DTNA: variants seen among roughly 807,000 people sequenced by gnomAD.
DTNA encodes the protein dystrophin-related protein 3.
Under a neutral mutation model 100.7 loss-of-function variants are expected in DTNA, and 43 were observed. The ratio of observed to expected loss-of-function variants is 0.43; its 90% CI spans 0.33 to 0.55. The LOEUF is 0.55. Among genes scored for constraint, DTNA ranks in the 20% least tolerant of loss-of-function variants. DTNA has a pLI of 0.04. For missense variants in DTNA, 798 were observed against 953.9 expected (o/e 0.84, Z 2.15); for synonymous variants, 349 against 347.9 (o/e 1.00, Z -0.04).
chr18:34,532,164 C>CATAGATTA (rs2043201668), intron 1 of DTNA, among the ~76,000 whole-genome samples: 1 of 152,234 alleles, frequency 6.6e-6, no homozygotes, highest in Admixed American at 6.5e-5. Context: ...AAGATGTATG[C>CATAGATTA]ATAGATTAGT....
intron 1 of DTNA, among the ~76,000 whole-genome samples, chr18:34,728,760 T>C (rs2087350111): frequency 6.6e-6 from 1 of 152,212 alleles, no homozygotes; most frequent in Admixed American, 6.5e-5. Flanking sequence ...CTTATGCCTC[T>C]CACTAGCTCC....
intron 1 of DTNA, among the ~76,000 whole-genome samples, chr18:34,560,228 C>T (rs1448065988): frequency 1.3e-5 from 2 of 152,146 alleles, no homozygotes; most frequent in Non-Finnish European, 2.9e-5. Flanking sequence ...CTGTAGCAGA[C>T]CACAAACTCC....
intron 5 of DTNA, among the ~76,000 whole-genome samples, chr18:34,809,722 T>A (rs1265673556): frequency 1.3e-5 from 2 of 152,184 alleles, no homozygotes; most frequent in Non-Finnish European, 1.5e-5. Flanking sequence ...AGAGCAAGAA[T>A]AACTGGCTGA....
chr18:34,621,202 A>G (rs1401901021), intron 1 of DTNA, among the ~76,000 whole-genome samples: 1 of 148,568 alleles, frequency 6.7e-6, no homozygotes, highest in Non-Finnish European at 1.5e-5. Flanking sequence ...TATATGTAAT[A>G]TATGTACATA....
intron 13 of DTNA, among the ~76,000 whole-genome samples, chr18:34,840,189 G>A (rs1292213486): frequency 6.6e-6 from 1 of 152,094 alleles, no homozygotes; most frequent in Non-Finnish European, 1.5e-5. Context: ...AGATCCTACT[G>A]TTTAAGGGGA....
intron 2 of DTNA, among the ~76,000 whole-genome samples, chr18:34,761,153 CACACA>C: frequency 6.7e-6 from 1 of 149,828 alleles, no homozygotes; most frequent in South Asian, 2.1e-4. Flanking sequence ...CACACACACA[CACACA>C]CACACACACA....
chr18:34,799,873 T>G (rs2095139582), intron 4 of DTNA, among the ~76,000 whole-genome samples: 1 of 152,196 alleles, frequency 6.6e-6, no homozygotes, highest in Admixed American at 6.5e-5. Flanking sequence ...TGACCCCTTC[T>G]GTTCTGGAGA....
chr18:34,572,982 T>C (rs1185163135), intron 1 of DTNA, among the ~76,000 whole-genome samples: 1 of 152,140 alleles, frequency 6.6e-6, no homozygotes, highest in Non-Finnish European at 1.5e-5. Context: ...CATTTCTTAA[T>C]CCATAAAATA....
intron 1 of DTNA, among the ~76,000 whole-genome samples, chr18:34,744,795 G>C (rs766078653): frequency 6.6e-6 from 1 of 152,116 alleles, no homozygotes; most frequent in Non-Finnish European, 1.5e-5. Context: ...GCCTATGTCC[G>C]TGTGTGTCTG....
Position 34,890,037 on chromosome 18 carries a change from C to A in DTNA, c.*2303C>A. The A allele has an allele frequency of 1.6e-6, 2 of 1,289,040 alleles. No individual in the cohort carries two copies. The highest frequency in any genetic ancestry group is 2.2e-5 in the South Asian group (1 of 44,642). 79.9% of individuals were successfully genotyped at this position (1,289,040 alleles called of 1,614,324 possible). A position where few individuals can be genotyped will look rare whatever the true frequency, so the allele number is the denominator to read the frequency against. On this transcript the variant is annotated 3_prime_UTR_variant, in exon 23 of 23. Coordinates refer to ENST00000444659, the MANE Select transcript of DTNA (RefSeq NM_001386795.1). ...ATCATAGCCAGGTAGTTCTTGAACT[C>A]AGAACTTAAATCCTGCACGTGGCAC...
intron 1 of DTNA, among the ~76,000 whole-genome samples, chr18:34,556,391 G>C (rs2046052221): frequency 6.6e-6 from 1 of 151,712 alleles, no homozygotes; most frequent in Non-Finnish European, 1.5e-5. Flanking sequence ...ATATTGTTAT[G>C]TGTGAATTTG....
At chr18:34,699,797 G>A (rs528528214) in intron 1 of DTNA, among the ~76,000 whole-genome samples, 20 of 152,136 alleles carry the variant, frequency 1.3e-4, no homozygotes, top group Admixed American at 5.9e-4. Flanking sequence ...TCTTTTTGGT[G>A]AAACAGACCC....
chr18:34,876,062 A>G (rs193199491), intron 18 of DTNA, among the ~76,000 whole-genome samples: 1 of 152,336 alleles, frequency 6.6e-6, no homozygotes, highest in East Asian at 1.9e-4. Context: ...ATCATTCTGT[A>G]GACCTTCACC....
chr18:34,825,217 A>G, intron 9 of DTNA: 2 of 1,612,298 alleles, frequency 1.2e-6, no homozygotes, highest in Non-Finnish European at 1.7e-6. Context: ...GCTTGTAAAT[A>G]TTACCATGAT....
At chr18:34,732,830 A>T (rs1163209434) in intron 1 of DTNA, among the ~76,000 whole-genome samples, 4 of 152,178 alleles carry the variant, frequency 2.6e-5, no homozygotes, top group African/African-American at 9.6e-5. Flanking sequence ...CATTTGCGAT[A>T]TACCTGTTGT....
intron 1 of DTNA, among the ~76,000 whole-genome samples, chr18:34,604,111 T>C (rs552572628): frequency 1.3e-5 from 2 of 152,264 alleles, no homozygotes; most frequent in Admixed American, 1.3e-4. Context: ...TACCAGCAAC[T>C]CCATTCAAAG....
chr18:34,742,629 T>TTCTATTATCGATCTAGATAGATAGATAA (rs2090874768), intron 1 of DTNA, among the ~76,000 whole-genome samples: 1 of 137,690 alleles, frequency 7.3e-6, no homozygotes, highest in African/African-American at 2.8e-5. Context: ...TCTGATTATC[T>TTCTATTATCGATCTAGATAGATAGATAA]TCTATTATCT....
intron 1 of DTNA, among the ~76,000 whole-genome samples, chr18:34,604,999 G>T (rs2052715583): frequency 6.7e-6 from 1 of 149,982 alleles, no homozygotes; most frequent in Non-Finnish European, 1.5e-5. Flanking sequence ...AACTTAACTG[G>T]ATTTGTCTTT....
chr18:34,641,407 A>G lies in DTNA; in HGVS notation c.-1-114569A>G, dbSNP rs4799774. 6.1e-3 allele frequency among the ~76,000 whole-genome samples: 933 copies of G among 152,286 alleles called. 6 individuals carry two copies. Among genetic ancestry groups the G allele is most frequent in the Admixed American group, 0.012 (177 of 15,302 alleles). On this transcript the variant is annotated intron_variant, in intron 1 of 19. Transcript: ENST00000283365. ...CAGCAGCCCCAGATGTTTCACAGCA[A>G]CTCTGAATATTACAGACTTATTCCG... is the stretch of plus-strand genomic sequence containing the variant.
Sources: gnomAD v4.1 joint callset for allele counts (sites outside exome capture counted in the v4.1 genomes callset) on GRCh38, gnomAD v4.1.1 for gene constraint, MANE v1.5 for transcripts, NCBI Gene and HGNC (gene_info 2026-07-23, HGNC 2026-07-21) for gene names.